The following CTNNA3 variants were observed in gnomAD, a reference collection of about 807,000 sequenced individuals.
The protein encoded by CTNNA3 is catenin alpha 3.
A neutral mutation model predicts 95.7 loss-of-function variants in CTNNA3; 76 were observed. The observed-to-expected ratio is 0.79, with a 90% CI of 0.66 to 0.96. CTNNA3 has a LOEUF of 0.96. Ranked by LOEUF, CTNNA3 falls within the 40% of genes least tolerant of loss-of-function variation. The pLI, the probability that CTNNA3 is intolerant of heterozygous loss-of-function variation, is 0.00. For synonymous variants in CTNNA3, 431 were observed against 374.4 expected, an observed-to-expected ratio of 1.15 and a Z score of -1.74; for missense variants, 1,191 against 1,089.8, an observed-to-expected ratio of 1.09 and a Z score of -1.31.
At chr10:67,680,266 A>C (rs1840602745) in intron 1 of CTNNA3, among the ~76,000 whole-genome samples, 2 of 152,192 alleles carry the variant, frequency 1.3e-5, no homozygotes, top group South Asian at 4.1e-4. Context: ...AAGGAAAATC[A>C]CTGGTAAGGG....
intron 6 of CTNNA3, among the ~76,000 whole-genome samples, chr10:67,185,386 A>G (rs1021234153): frequency 6.6e-6 from 1 of 152,062 alleles, no homozygotes; most frequent in African/African-American, 2.4e-5. Context: ...TCGGCCTCCC[A>G]AAGTGCTGGG....
chr10:67,514,309 A>C (rs1839738680), intron 5 of CTNNA3, among the ~76,000 whole-genome samples: 1 of 152,208 alleles, frequency 6.6e-6, no homozygotes, highest in African/African-American at 2.4e-5. Context: ...AACATAAAAA[A>C]TAAAATAAAA....
chr10:66,015,569 T>C (rs182413508), intron 15 of CTNNA3, among the ~76,000 whole-genome samples: 1 of 151,614 alleles, frequency 6.6e-6, no homozygotes, highest in Non-Finnish European at 1.5e-5. Context: ...TATATACTGG[T>C]CTTTCCATAG....
intron 7 of CTNNA3, among the ~76,000 whole-genome samples, chr10:66,903,821 G>A (rs1260246395): frequency 1.3e-5 from 2 of 152,116 alleles, no homozygotes; most frequent in Non-Finnish European, 2.9e-5. Context: ...CAACTTACAA[G>A]GGATGTGAAG....
rs1017666203 is a variant in CTNNA3 at position 67,039,482 on chromosome 10, T to C, written c.1047+140835A>G. 1.3e-4 allele frequency among the ~76,000 whole-genome samples: 20 copies of C among 152,306 alleles called. No individual in the cohort carries two copies. The South Asian group carries it at 2.1e-3, about 16-fold the overall frequency. On this transcript the variant is annotated intron_variant, in intron 7 of 17. Coordinates refer to ENST00000433211, the MANE Select transcript of CTNNA3 (RefSeq NM_013266.4). The stretch of plus-strand genomic sequence containing the variant: ...GTTGTCAATTAATCCAAGTATATAA[T>C]AATTTTTAAATTATGCCTCTATTTA...
intron 5 of CTNNA3, among the ~76,000 whole-genome samples, chr10:67,313,440 AAAAAAT>A (rs1840905934): frequency 6.6e-6 from 1 of 151,542 alleles, no homozygotes; most frequent in Non-Finnish European, 1.5e-5. Flanking sequence ...TCAAAAAAAA[AAAAAAT>A]AATAATAATA....
At chr10:67,240,999 G>C (rs563254498) in intron 5 of CTNNA3, among the ~76,000 whole-genome samples, 1 of 152,268 alleles carries the variant, frequency 6.6e-6, no homozygotes, top group South Asian at 2.1e-4. Context: ...TGATTAAAAA[G>C]TAAAAGGAAT....
At chr10:67,067,584 T>A (rs1446009488) in intron 7 of CTNNA3, among the ~76,000 whole-genome samples, 9 of 152,180 alleles carry the variant, frequency 5.9e-5, no homozygotes, top group Admixed American at 3.3e-4. Context: ...AGACTCATGT[T>A]CCCCAAGCTT....
intron 9 of CTNNA3, among the ~76,000 whole-genome samples, chr10:66,642,285 CACACACACACACACACACACAA>C (rs1348709110): frequency 3.3e-5 from 4 of 120,898 alleles, no homozygotes; most frequent in East Asian, 3.6e-4. Flanking sequence ...CACAAACACA[CACACACACACACACACACACAA>C]AACCTGATAT....
chr10:66,949,977 T>C (rs970383221), intron 7 of CTNNA3, among the ~76,000 whole-genome samples: 1 of 152,068 alleles, frequency 6.6e-6, no homozygotes, highest in African/African-American at 2.4e-5. Flanking sequence ...TTCTAACATC[T>C]CCCCATGACT....
chr10:66,820,060 CAA>C (rs71035186), intron 7 of CTNNA3, among the ~76,000 whole-genome samples: 17 of 116,044 alleles, frequency 1.5e-4, no homozygotes, highest in Admixed American at 5.1e-4. Flanking sequence ...GTGATAATAG[CAA>C]AAAAAAAAAA....
intron 5 of CTNNA3, among the ~76,000 whole-genome samples, chr10:67,497,008 G>A (rs1439501715): frequency 2.0e-5 from 3 of 151,942 alleles, no homozygotes; most frequent in African/African-American, 4.8e-5. Context: ...AGGTATACAC[G>A]TGCCATGGTG....
chr10:66,128,964 A>G (rs2082958271), intron 13 of CTNNA3, among the ~76,000 whole-genome samples: 1 of 151,256 alleles, frequency 6.6e-6, no homozygotes, highest in Non-Finnish European at 1.5e-5. Context: ...AAAAAAAACA[A>G]AAAACAAAAA....
intron 13 of CTNNA3, among the ~76,000 whole-genome samples, chr10:66,223,038 C>G (rs1250112088): frequency 1.3e-5 from 2 of 151,938 alleles, no homozygotes; most frequent in African/African-American, 4.8e-5. Flanking sequence ...AAATTATCAT[C>G]TAAGCTCTAA....
At chr10:66,552,231 T>C (rs1290826805) in intron 10 of CTNNA3, among the ~76,000 whole-genome samples, 1 of 152,132 alleles carries the variant, frequency 6.6e-6, no homozygotes, top group African/African-American at 2.4e-5. Flanking sequence ...TATCAGACTT[T>C]CTCTATGCTG....
chr10:66,787,695 A>T (rs914217518), intron 7 of CTNNA3, among the ~76,000 whole-genome samples: 5 of 152,202 alleles, frequency 3.3e-5, no homozygotes, highest in Non-Finnish European at 7.3e-5. Flanking sequence ...ATTGGTAGCA[A>T]AAGATATTCT....
chr10:66,096,703 T>C (rs185150176), intron 14 of CTNNA3, among the ~76,000 whole-genome samples: 2 of 152,112 alleles, frequency 1.3e-5, no homozygotes, highest in Non-Finnish European at 2.9e-5. Context: ...TCTGTATTTT[T>C]AGTAGAGATG....
intron 13 of CTNNA3, among the ~76,000 whole-genome samples, chr10:66,147,765 G>GT (rs2083974983): frequency 8.5e-6 from 1 of 117,006 alleles, no homozygotes; most frequent in Non-Finnish European, 1.7e-5. Context: ...TGCATATTAT[G>GT]TTTAGTATAG....
chr10:66,899,541 G>T (rs540188741), intron 7 of CTNNA3, among the ~76,000 whole-genome samples: 1 of 152,280 alleles, frequency 6.6e-6, no homozygotes, highest in South Asian at 2.1e-4. Context: ...CCAAAGTAGG[G>T]CGGGGCATTG....
Sources: allele counts gnomAD v4.1 joint callset (sites outside exome capture counted in the v4.1 genomes callset), GRCh38; gene constraint gnomAD v4.1.1; transcripts MANE v1.5; gene names NCBI Gene and HGNC (gene_info 2026-07-23, HGNC 2026-07-21).